CNTNAP2: variants seen among roughly 807,000 people sequenced by gnomAD.
The protein encoded by CNTNAP2 is contactin associated protein 2, also known as contactin-associated protein-like 2.
A neutral mutation model predicts 155.2 loss-of-function variants in CNTNAP2; 98 were observed. The ratio of observed to expected loss-of-function variants is 0.63; its 90% CI spans 0.54 to 0.75. The LOEUF (loss-of-function observed/expected upper bound fraction) is 0.75. Among genes scored for constraint, CNTNAP2 ranks in the 30% least tolerant of loss-of-function variants. The pLI is 0.00. For missense variants in CNTNAP2, 1,727 were observed against 1,688.1 expected (o/e 1.02, Z -0.40); for synonymous variants, 651 against 631.2 (o/e 1.03, Z -0.47).
chr7:146,398,392 C>A (rs763262736), intron 1 of CNTNAP2, among the ~76,000 whole-genome samples: 1 of 151,830 alleles, frequency 6.6e-6, no homozygotes, highest in Non-Finnish European at 1.5e-5. Flanking sequence ...AAGGGGGAAG[C>A]CCCTTATAAA....
intron 12 of CNTNAP2, among the ~76,000 whole-genome samples, chr7:147,592,569 T>C (rs1387727533): frequency 6.6e-6 from 1 of 151,744 alleles, no homozygotes; most frequent in Non-Finnish European, 1.5e-5. Context: ...TTCTATGAAA[T>C]ATCCCATGAC....
At chr7:146,964,312 G>T (rs985628460) in intron 3 of CNTNAP2, among the ~76,000 whole-genome samples, 5 of 152,204 alleles carry the variant, frequency 3.3e-5, no homozygotes, top group East Asian at 1.9e-4. Flanking sequence ...TACTAATGAA[G>T]TTTATGTTTC....
At chr7:146,454,966 C>T (rs1182544863) in intron 1 of CNTNAP2, among the ~76,000 whole-genome samples, 3 of 152,114 alleles carry the variant, frequency 2.0e-5, no homozygotes, top group Admixed American at 6.6e-5. Context: ...TATATGGCTA[C>T]GCAGTTTATC....
At chr7:148,036,962 A>C (rs1802583461) in intron 15 of CNTNAP2, among the ~76,000 whole-genome samples, 1 of 152,206 alleles carries the variant, frequency 6.6e-6, no homozygotes, top group Non-Finnish European at 1.5e-5. Context: ...TTGTTACATA[A>C]TTAGCACAAG....
At chr7:146,761,561 G>T (rs1802100847) in intron 1 of CNTNAP2, among the ~76,000 whole-genome samples, 1 of 152,072 alleles carries the variant, frequency 6.6e-6, no homozygotes, top group African/African-American at 2.4e-5. Flanking sequence ...TCTTGAAGAT[G>T]CTATACATTC....
chr7:146,166,724 A>T (rs1459415504), intron 1 of CNTNAP2, among the ~76,000 whole-genome samples: 2 of 152,164 alleles, frequency 1.3e-5, no homozygotes, highest in African/African-American at 4.8e-5. Context: ...TGGATTGTTA[A>T]CTCTGTTTAC....
At chr7:146,869,778 C>T (rs1387856957) in intron 3 of CNTNAP2, among the ~76,000 whole-genome samples, 2 of 152,100 alleles carry the variant, frequency 1.3e-5, no homozygotes, top group African/African-American at 4.8e-5. Context: ...AAGTCAGCTT[C>T]TTCCACCGTC....
Position 148,217,239 on chromosome 7 carries a change from G to C in CNTNAP2, c.3011-49G>C, listed in dbSNP as rs371287744. 1.1e-5 allele frequency: 18 copies of C among 1,578,340 alleles called. No homozygotes were observed. The South Asian group carries it at 1.8e-4, about 16-fold the overall frequency. ...GCTGGAGAGGTCATTGTAGGGTATCGGCATCAGACCTCTCCTCATTTTTCA... is the reference window on the plus strand; with the variant it reads ...GCTGGAGAGGTCATTGTAGGGTATCCGCATCAGACCTCTCCTCATTTTTCA... On this transcript the variant is annotated intron_variant, in intron 18 of 23. Transcript: ENST00000361727.
chr7:147,265,691 G>T (rs116636074), intron 8 of CNTNAP2, among the ~76,000 whole-genome samples: 3 of 152,128 alleles, frequency 2.0e-5, no homozygotes. Context: ...CCTGGATCCC[G>T]TGCCGCCCTG....
At chr7:147,488,313 A>G (rs960943924) in intron 11 of CNTNAP2, among the ~76,000 whole-genome samples, 9 of 152,214 alleles carry the variant, frequency 5.9e-5, no homozygotes, top group African/African-American at 2.2e-4. Context: ...GACGCTAGCT[A>G]TAAAACCATC....
chr7:147,943,586 T>C (rs1340268812), intron 14 of CNTNAP2, among the ~76,000 whole-genome samples: 1 of 151,740 alleles, frequency 6.6e-6, no homozygotes, highest in African/African-American at 2.4e-5. Flanking sequence ...CTGGCCAACA[T>C]GGTGAAGCCC....
rs550793434 is a variant in CNTNAP2 at position 146,959,483 on chromosome 7, G to A, written c.403-84424G>A. Among the ~76,000 whole-genome samples, 6 of 151,966 alleles carry A rather than the reference G, an allele frequency of 3.9e-5. No homozygotes were observed. The South Asian group carries it at 1.0e-3, about 26-fold the overall frequency. On this transcript the variant is annotated intron_variant, in intron 3 of 23. Transcript: ENST00000361727. ...ATCTGTAATCCCAGCACTTCGGGAG[G>A]CTGAGGTGTGTGGATCACTTGAGGT...
chr7:148,328,199 G>A (rs759519244), intron 21 of CNTNAP2, among the ~76,000 whole-genome samples: 18 of 152,162 alleles, frequency 1.2e-4, no homozygotes, highest in Non-Finnish European at 2.4e-4. Context: ...TGAGGCAAGC[G>A]GGGAGTGGGA....
At chr7:147,231,011 G>A (rs1371319406) in intron 8 of CNTNAP2, among the ~76,000 whole-genome samples, 2 of 152,180 alleles carry the variant, frequency 1.3e-5, no homozygotes, top group Non-Finnish European at 2.9e-5. Context: ...GTAGAAGGCA[G>A]AAGACAAAAA....
At chr7:146,471,898 C>A (rs758266791) in intron 1 of CNTNAP2, among the ~76,000 whole-genome samples, 1 of 152,014 alleles carries the variant, frequency 6.6e-6, no homozygotes, top group South Asian at 2.1e-4. Flanking sequence ...GAAATGGGGA[C>A]CAGTTCTGGT....
At chr7:146,334,923 A>C (rs557071026) in intron 1 of CNTNAP2, among the ~76,000 whole-genome samples, 1 of 152,244 alleles carries the variant, frequency 6.6e-6, no homozygotes, top group Admixed American at 6.5e-5. Context: ...TGCAGGCAAA[A>C]TGTTATACAG....
intron 1 of CNTNAP2, among the ~76,000 whole-genome samples, chr7:146,521,622 T>TACAGCA: frequency 6.6e-6 from 1 of 152,042 alleles, no homozygotes; most frequent in African/African-American, 2.4e-5. Context: ...CCAGAATTTT[T>TACAGCA]GTATTTCTAT....
chr7:147,303,260 A>T (rs1444066600), intron 9 of CNTNAP2, among the ~76,000 whole-genome samples: 1 of 152,214 alleles, frequency 6.6e-6, no homozygotes, highest in African/African-American at 2.4e-5. Context: ...ATGCTATCTA[A>T]CAGACCACTG....
At chr7:147,733,229 C>G (rs1358920213) in intron 13 of CNTNAP2, among the ~76,000 whole-genome samples, 1 of 152,166 alleles carries the variant, frequency 6.6e-6, no homozygotes, top group East Asian at 1.9e-4. Context: ...AGGAAGGGAT[C>G]CAGTTTCAGC....
Sources: gnomAD v4.1 joint callset for allele counts (sites outside exome capture counted in the v4.1 genomes callset) on GRCh38, gnomAD v4.1.1 for gene constraint, MANE v1.5 for transcripts, NCBI Gene and HGNC (gene_info 2026-07-23, HGNC 2026-07-21) for gene names.